Variants in PDSS2 observed in about 807,000 individuals in gnomAD.
The protein encoded by PDSS2 is all trans-polyprenyl-diphosphate synthase PDSS2.
Under a neutral mutation model 44.5 loss-of-function variants are expected in PDSS2, and 31 were observed. The observed-to-expected ratio is 0.70, with a 90% CI of 0.52 to 0.94. The LOEUF (loss-of-function observed/expected upper bound fraction) is 0.94, where lower values mean the gene tolerates loss of function less well. Ranked by LOEUF, PDSS2 falls within the 40% of genes least tolerant of loss-of-function variation. The probability of loss-of-function intolerance (pLI) is 0.00; values close to 1 mark genes in which losing one functional copy is unlikely to be tolerated. For missense variants in PDSS2, 452 were observed against 482.2 expected (o/e 0.94, Z 0.59); for synonymous variants, 157 against 180.3 (o/e 0.87, Z 1.03).
intron 2 of PDSS2, among the ~76,000 whole-genome samples, chr6:107,280,880 A>C (rs1775940601): frequency 6.6e-6 from 1 of 152,158 alleles, no homozygotes; most frequent in Non-Finnish European, 1.5e-5. Context: ...TGAGAGGTTA[A>C]AAATATACAG....
chr6:107,219,717 C>T (rs1414727478), intron 4 of PDSS2, among the ~76,000 whole-genome samples: 7 of 152,220 alleles, frequency 4.6e-5, no homozygotes, highest in Non-Finnish European at 8.8e-5. Context: ...TTAATTCTCT[C>T]TGAACTGTAT....
chr6:107,227,045 T>A (rs1365036376), intron 4 of PDSS2, among the ~76,000 whole-genome samples: 2 of 151,198 alleles, frequency 1.3e-5, no homozygotes, highest in Non-Finnish European at 1.5e-5. Flanking sequence ...AGGGGCACAA[T>A]CTTGGCTCAT....
In PDSS2 at chr6:107,236,003, G is replaced by C. The variant is rs186688659; in HGVS notation, c.702+9545C>G. The stretch of plus-strand genomic sequence containing the variant: ...AGGTCCCTATAAAAGAGGATAAAAG[G>C]AAAGTCAGAAAAAAAAATTGAAGAA... On this transcript the variant is annotated intron_variant, in intron 4 of 7. Transcript: ENST00000369037. Among the ~76,000 whole-genome samples the C allele has an allele frequency of 2.6e-5, 4 of 151,686 alleles. No homozygotes were observed. The East Asian group carries it at 7.7e-4, about 29-fold the overall frequency.
Position 107,338,481 on chromosome 6 carries a change from T to C in PDSS2, c.297-4149A>G, listed in dbSNP as rs75470601. Among the ~76,000 whole-genome samples the C allele has an allele frequency of 3.3e-4, 51 of 152,346 alleles. 1 individual carries two copies. In the East Asian group the frequency reaches 8.1e-3, roughly 24 times the overall value. On this transcript the variant is annotated intron_variant, in intron 1 of 7. Coordinates refer to ENST00000369037, the MANE Select transcript of PDSS2 (RefSeq NM_020381.4). ...CAGTGGAGAATATGATGAGGAGCACTGTTAAGATGTGGCCTCCCTTCTTGT... is the reference window on the plus strand; with the variant it reads ...CAGTGGAGAATATGATGAGGAGCACCGTTAAGATGTGGCCTCCCTTCTTGT...
At chr6:107,206,271 C>T (rs1772974043) in intron 6 of PDSS2, among the ~76,000 whole-genome samples, 1 of 152,132 alleles carries the variant, frequency 6.6e-6, no homozygotes, top group Non-Finnish European at 1.5e-5. Flanking sequence ...CGGGTTTCAC[C>T]ATGTTGGACA....
At chr6:107,261,252 C>A (rs1775211901) in intron 3 of PDSS2, among the ~76,000 whole-genome samples, 1 of 152,182 alleles carries the variant, frequency 6.6e-6, no homozygotes, top group Non-Finnish European at 1.5e-5. Flanking sequence ...TTGTAAACCC[C>A]AATGCAGGAG....
intron 2 of PDSS2, among the ~76,000 whole-genome samples, chr6:107,313,645 C>T (rs1042886067): frequency 3.9e-5 from 6 of 152,226 alleles, no homozygotes; most frequent in African/African-American, 9.6e-5. Flanking sequence ...TGAGCCACCA[C>T]GCCCGGCCCT....
chr6:107,428,256 T>C (rs1668327070), intron 1 of PDSS2, among the ~76,000 whole-genome samples: 1 of 152,232 alleles, frequency 6.6e-6, no homozygotes, highest in South Asian at 2.1e-4. Flanking sequence ...ACAAGTGGTA[T>C]AGCTTCAAAA....
In PDSS2 at chr6:107,311,003, C is replaced by T. The variant is rs745834325; in HGVS notation, c.431+23195G>A. Reference sequence around the variant, plus strand: ...TGTGATCTCAGTTCACTGCAACCTCCGCCTCCTGGGTTCAAGTGATTCTCC... The same window carrying T: ...TGTGATCTCAGTTCACTGCAACCTCTGCCTCCTGGGTTCAAGTGATTCTCC... On this transcript the variant is annotated intron_variant, in intron 2 of 7. Coordinates refer to ENST00000369037, the MANE Select transcript of PDSS2 (RefSeq NM_020381.4). 9.2e-5 allele frequency among the ~76,000 whole-genome samples: 14 copies of T among 151,438 alleles called. No individual in the cohort carries two copies. In the South Asian group the frequency reaches 1.0e-3, roughly 11 times the overall value.
At chr6:107,320,635 G>A (rs1001104982) in intron 2 of PDSS2, among the ~76,000 whole-genome samples, 3 of 152,154 alleles carry the variant, frequency 2.0e-5, no homozygotes, top group Non-Finnish European at 4.4e-5. Flanking sequence ...ATGTGTGAAA[G>A]GAAACATGCA....
At chr6:107,337,330 A>C (rs1054034211) in intron 1 of PDSS2, among the ~76,000 whole-genome samples, 19 of 152,272 alleles carry the variant, frequency 1.2e-4, no homozygotes, top group Admixed American at 5.9e-4. Flanking sequence ...CCAGGCCAAC[A>C]GGCTCTAGAG....
chr6:107,444,208 T>TA (rs1373323267), intron 1 of PDSS2, among the ~76,000 whole-genome samples: 1 of 152,080 alleles, frequency 6.6e-6, no homozygotes, highest in Non-Finnish European at 1.5e-5. Context: ...TTAATTTTTT[T>TA]TTTATATAGA....
At chr6:107,396,671 C>CTTTTTT (rs1346777750) in intron 1 of PDSS2, among the ~76,000 whole-genome samples, 1 of 99,386 alleles carries the variant, frequency 1.0e-5, no homozygotes, top group South Asian at 2.9e-4. Context: ...TTTTCCTCTT[C>CTTTTTT]TTTTTTCTTT....
chr6:107,199,287 G>A (rs1040337169), intron 6 of PDSS2, among the ~76,000 whole-genome samples: 6 of 152,128 alleles, frequency 3.9e-5, no homozygotes, highest in Non-Finnish European at 8.8e-5. Flanking sequence ...ACAAAGTATT[G>A]TGATTGACTG....
intron 1 of PDSS2, among the ~76,000 whole-genome samples, chr6:107,454,050 T>C (rs1781957571): frequency 6.7e-6 from 1 of 149,040 alleles, no homozygotes; most frequent in Admixed American, 6.7e-5. Context: ...CAGACTTCTT[T>C]TTTTTTTTTT....
intron 4 of PDSS2, among the ~76,000 whole-genome samples, chr6:107,224,329 T>C (rs7771708): frequency 0.037 from 5,533 of 151,398 alleles, 570 homozygotes; most frequent in African/African-American, 0.13. Flanking sequence ...GGAAAGGATA[T>C]ATCATCCAAT....
intron 2 of PDSS2, among the ~76,000 whole-genome samples, chr6:107,313,682 G>T (rs913903845): frequency 2.6e-5 from 4 of 152,018 alleles, no homozygotes; most frequent in African/African-American, 9.7e-5. Flanking sequence ...ATGAAGCAGG[G>T]CCCAATTTAA....
chr6:107,262,844 G>A (rs1775286685), intron 3 of PDSS2, among the ~76,000 whole-genome samples: 1 of 151,996 alleles, frequency 6.6e-6, no homozygotes, highest in South Asian at 2.1e-4. Context: ...CACTTGGGGA[G>A]GCCAAGGATC....
intron 1 of PDSS2, among the ~76,000 whole-genome samples, chr6:107,420,635 AAAT>A (rs912255878): frequency 1.3e-4 from 20 of 152,340 alleles, no homozygotes; most frequent in African/African-American, 4.8e-4. Context: ...CAAAAATAAA[AAAT>A]AAAATAGAAG....
Sources: gnomAD v4.1 joint callset for allele counts (sites outside exome capture counted in the v4.1 genomes callset) on GRCh38, gnomAD v4.1.1 for gene constraint, MANE v1.5 for transcripts, NCBI Gene and HGNC (gene_info 2026-07-23, HGNC 2026-07-21) for gene names.